The following NPTN variants were observed in gnomAD, a reference collection of about 807,000 sequenced individuals.
NPTN encodes the protein SDR-1.
A neutral mutation model predicts 42.7 loss-of-function variants in NPTN; 5 were observed. That is an observed-to-expected ratio of 0.12 (90% CI 0.06 to 0.25). The LOEUF (loss-of-function observed/expected upper bound fraction) is 0.25. Among genes scored for constraint, NPTN ranks in the 10% least tolerant of loss-of-function variants. The pLI, the probability that NPTN is intolerant of heterozygous loss-of-function variation, is 1.00. For synonymous variants in NPTN, 180 were observed against 201.9 expected, an observed-to-expected ratio of 0.89 and a Z score of 0.92; for missense variants, 307 against 525.4, an observed-to-expected ratio of 0.58 and a Z score of 4.06.
chr15:73,581,676 G>A (rs1243691661), intron 4 of NPTN, among the ~76,000 whole-genome samples: 1 of 152,166 alleles, frequency 6.6e-6, no homozygotes, highest in African/African-American at 2.4e-5. Context: ...GATGCACTTA[G>A]AGCAAAGGGT....
chr15:73,630,411 A>T lies in NPTN; in HGVS notation c.91+2714T>A, dbSNP rs151143824. Among the ~76,000 whole-genome samples the T allele has an allele frequency of 1.4e-3, 214 of 152,356 alleles. 1 individual carries two copies. The highest frequency in any genetic ancestry group is 2.5e-3 in the Admixed American group (39 of 15,302). On this transcript the variant is annotated intron_variant, in intron 1 of 8. Coordinates refer to ENST00000345330, the MANE Select transcript of NPTN (RefSeq NM_012428.4). Reference sequence around the variant, plus strand: ...CTTTTTAGAACAAGTTCCTCTTTAAACTACCATTTTGATGATACATATAGA... The same window carrying T: ...CTTTTTAGAACAAGTTCCTCTTTAATCTACCATTTTGATGATACATATAGA...
chr15:73,618,240 G>A (rs1454749307), intron 1 of NPTN, among the ~76,000 whole-genome samples: 2 of 152,076 alleles, frequency 1.3e-5, no homozygotes, highest in East Asian at 1.9e-4. Flanking sequence ...AGAAACATGG[G>A]CATTATGACC....
At chr15:73,580,498 A>T (rs1566965804) in intron 4 of NPTN, among the ~76,000 whole-genome samples, 1 of 132,858 alleles carries the variant, frequency 7.5e-6, no homozygotes, top group East Asian at 2.0e-4. Context: ...TATATACATA[A>T]ATATATATAT....
At position 73,633,258 on chromosome 15, in the gene NPTN, A is replaced by G. The variant is rs755689616; in HGVS notation, c.-43T>C. The G allele has an allele frequency of 1.1e-6, 1 of 911,592 alleles. No homozygotes were observed. Among genetic ancestry groups the G allele is most frequent in the Non-Finnish European group, 1.6e-6 (1 of 629,404 alleles). 56.5% of individuals were successfully genotyped at this position (911,592 alleles called of 1,614,324 possible). On this transcript the variant is annotated 5_prime_UTR_variant, in exon 1 of 9. Transcript: ENST00000345330. ...CCAACAGCGAATGGGCCGGGGCCAG[A>G]GCCGGGGCCGGGGAAGGGAGGGGAG...
intron 7 of NPTN, 91 bp from the exon 8 acceptor site, chr15:73,562,061 C>G: frequency 1.1e-6 from 1 of 909,550 alleles, no homozygotes. Flanking sequence ...CTTTCACTTA[C>G]TGCCATCCCT....
chr15:73,561,999 T>C (rs1349120964), intron 7 of NPTN, 29 bp from the exon 8 acceptor site: 3 of 1,506,950 alleles, frequency 2.0e-6, no homozygotes, highest in Non-Finnish European at 2.7e-6. Flanking sequence ...ATTACATGAG[T>C]TAAACTCAGT....
chr15:73,580,682 TGCAGA>T (rs1252294773), intron 4 of NPTN, among the ~76,000 whole-genome samples: 5 of 150,658 alleles, frequency 3.3e-5, no homozygotes, highest in Non-Finnish European at 5.9e-5. Flanking sequence ...TACTGGTAAC[TGCAGA>T]GCAAAGAGCC....
intron 2 of NPTN, among the ~76,000 whole-genome samples, chr15:73,594,952 A>T (rs975196006): frequency 2.4e-4 from 28 of 117,934 alleles, no homozygotes; most frequent in African/African-American, 7.7e-4. Context: ...AGGGTGTTTT[A>T]AAAAAAAAAA....
intron 1 of NPTN, among the ~76,000 whole-genome samples, chr15:73,631,214 G>T (rs954706961): frequency 6.6e-6 from 1 of 152,190 alleles, no homozygotes; most frequent in Non-Finnish European, 1.5e-5. Context: ...CACCTATTGT[G>T]CAAAATGAAA....
intron 1 of NPTN, among the ~76,000 whole-genome samples, chr15:73,610,222 G>T (rs1002996841): frequency 4.6e-5 from 7 of 152,038 alleles, no homozygotes; most frequent in African/African-American, 1.4e-4. Flanking sequence ...GAGTAGCTAG[G>T]ACTACAGGTG....
intron 2 of NPTN, among the ~76,000 whole-genome samples, chr15:73,593,364 C>T (rs1210627387): frequency 6.6e-6 from 1 of 152,200 alleles, no homozygotes; most frequent in African/African-American, 2.4e-5. Context: ...GAAGTCTACA[C>T]TAACCATCTT....
At chr15:73,584,212 T>C (rs928002162) in intron 4 of NPTN, among the ~76,000 whole-genome samples, 1 of 152,144 alleles carries the variant, frequency 6.6e-6, no homozygotes, top group Non-Finnish European at 1.5e-5. Flanking sequence ...TTGCAAAGGA[T>C]TGGATGACCA....
chr15:73,598,066 A>G (rs1896909068), intron 1 of NPTN, among the ~76,000 whole-genome samples: 1 of 152,208 alleles, frequency 6.6e-6, no homozygotes, highest in Non-Finnish European at 1.5e-5. Flanking sequence ...TCCTGAATGC[A>G]GACCCTCAGG....
At chr15:73,580,412 T>C (rs1368054534) in intron 4 of NPTN, among the ~76,000 whole-genome samples, 2 of 98,954 alleles carry the variant, frequency 2.0e-5, no homozygotes, top group Non-Finnish European at 3.9e-5. Context: ...ATATATATAA[T>C]ATATATATAA....
chr15:73,618,136 C>T (rs1236090266), intron 1 of NPTN, among the ~76,000 whole-genome samples: 5 of 152,212 alleles, frequency 3.3e-5, no homozygotes, highest in African/African-American at 1.2e-4. Context: ...TACTAGCCGC[C>T]TGCCTGGAAT....
chr15:73,633,273 A>G lies in NPTN; in HGVS notation c.-58T>C. On this transcript the variant is annotated 5_prime_UTR_variant, in exon 1 of 9. Transcript: ENST00000345330. ...CCGGGGCCAGAGCCGGGGCCGGGGA[A>G]GGGAGGGGAGGGAGGGAGGGGGCGG... The G allele has an allele frequency of 2.7e-6, 1 of 368,114 alleles. No homozygotes were observed. The highest frequency in any genetic ancestry group is 2.3e-5 in the African/African-American group (1 of 43,760). The allele number at this position is 368,114 out of a possible 1,614,324, so 22.8% of individuals were successfully genotyped here.
chr15:73,586,063 C>T (rs1000770768), intron 4 of NPTN, among the ~76,000 whole-genome samples: 3 of 152,190 alleles, frequency 2.0e-5, no homozygotes, highest in African/African-American at 7.2e-5. Context: ...AAGTCACTAA[C>T]GATTACAGTT....
chr15:73,581,796 A>C (rs1896058880), intron 4 of NPTN, among the ~76,000 whole-genome samples: 1 of 152,166 alleles, frequency 6.6e-6, no homozygotes, highest in Non-Finnish European at 1.5e-5. Context: ...AAAGTGATCA[A>C]GATATAAGGC....
At position 73,569,103 on chromosome 15, in the gene NPTN, C is replaced by G; in HGVS notation, c.1114+1047G>C. 2 of 985,348 alleles carry G rather than the reference C, an allele frequency of 2.0e-6. No homozygotes were observed. Among genetic ancestry groups the G allele is most frequent in the Non-Finnish European group, 2.4e-6 (2 of 829,850 alleles). The allele number at this position is 985,348 out of a possible 1,614,324, so 61.0% of individuals were successfully genotyped here. On this transcript the variant is annotated intron_variant, in intron 6 of 8. Coordinates refer to ENST00000345330, the MANE Select transcript of NPTN (RefSeq NM_012428.4). The surrounding 1 kb of genome is among the most constrained non-coding windows in gnomAD (Gnocchi z 4.1). ...ACAGCTGGCAACCCCACCATCACCC[C>G]GGGTAGGCTACCACTGAGCCCAGGG...
Sources: gnomAD v4.1 joint callset for allele counts (sites outside exome capture counted in the v4.1 genomes callset) on GRCh38, gnomAD v4.1.1 for gene constraint, Gnocchi (gnomAD v3.1) non-coding constraint, MANE v1.5 for transcripts, NCBI Gene and HGNC (gene_info 2026-07-23, HGNC 2026-07-21) for gene names.